Variants in WIPI2 observed in about 807,000 individuals in gnomAD.
WIPI2 encodes WD repeat domain, phosphoinositide interacting 2.
WIPI2 carries 28 observed loss-of-function variants against 52.3 expected under a neutral mutation model. That is an observed-to-expected ratio of 0.54 (90% confidence interval 0.40 to 0.73). WIPI2 has a LOEUF of 0.73. Among genes scored for constraint, WIPI2 ranks in the 30% least tolerant of loss-of-function variants. The probability of loss-of-function intolerance (pLI) is 0.00; values close to 1 mark genes in which losing one functional copy is unlikely to be tolerated. For missense variants in WIPI2, 506 were observed against 602.9 expected, an observed-to-expected ratio of 0.84 and a Z score of 1.68; for synonymous variants, 268 against 245.0, an observed-to-expected ratio of 1.09 and a Z score of -0.88.
chr7:5,193,652 T>TA (rs1315994876), intron 2 of WIPI2, among the ~76,000 whole-genome samples: 3 of 152,242 alleles, frequency 2.0e-5, no homozygotes, highest in Non-Finnish European at 2.9e-5. Flanking sequence ...CATAGCTTAC[T>TA]GCAACTTTGA....
chr7:5,191,111 C>T (rs1293123576), intron 1 of WIPI2, among the ~76,000 whole-genome samples: 1 of 152,116 alleles, frequency 6.6e-6, no homozygotes, highest in Non-Finnish European at 1.5e-5. Context: ...CCTCCGCCTC[C>T]TGGGTTCAAG....
At position 5,190,372 on chromosome 7, in the gene WIPI2, T is replaced by TCGCA; in HGVS notation, c.-45_-44insACGC. On this transcript the variant is annotated 5_prime_UTR_variant, in exon 1 of 13. Transcript: ENST00000288828. ...ACCCTGAGTGCAGCCTGACCCGCCC[T>TCGCA]CGCGCGCGCGCCCTCCCCGGCCGGG... is the stretch of plus-strand genomic sequence containing the variant. 7.9e-7 allele frequency: 1 copy of TCGCA among 1,272,676 alleles called. No homozygotes were observed. Among genetic ancestry groups the TCGCA allele is most frequent in the South Asian group, 2.3e-5 (1 of 43,728 alleles). 78.8% of individuals were successfully genotyped at this position (1,272,676 alleles called of 1,614,324 possible). A position where few individuals can be genotyped will look rare whatever the true frequency, so the allele number is the denominator to read the frequency against.
chr7:5,219,801 C>T (rs1783009208), intron 7 of WIPI2, among the ~76,000 whole-genome samples: 1 of 151,970 alleles, frequency 6.6e-6, no homozygotes, highest in African/African-American at 2.4e-5. Context: ...TTGTGTCCCT[C>T]CATCCAGAGA....
chr7:5,199,603 T>C lies in WIPI2; in HGVS notation c.156T>C (p.Gly52=), dbSNP rs1781925827. The change falls in exon 3 of 13, where the codon GGT becomes GGC. Residue 52 remains glycine (G), a synonymous_variant. Coordinates refer to ENST00000288828, the MANE Select transcript of WIPI2 (RefSeq NM_015610.4). ...CCCTAGCTGTTGGTAGTAAGTCCGG[T>C]TATAAATTTTTCTCCCTTTCTTCTG... The part of the protein sequence containing the change: ...VWSLAVGSKS[G]YKFFSLSSVD... The C allele has an allele frequency of 6.2e-7, 1 of 1,613,690 alleles. No homozygotes were observed. The highest frequency in any genetic ancestry group is 8.5e-7 in the Non-Finnish European group (1 of 1,179,940).
intron 3 of WIPI2, among the ~76,000 whole-genome samples, chr7:5,212,826 C>CT (rs1782623530): frequency 6.6e-6 from 1 of 152,252 alleles, no homozygotes; most frequent in Admixed American, 6.5e-5. Flanking sequence ...CCCCAGCCCT[C>CT]TTTCTCGCCC....
intron 2 of WIPI2, among the ~76,000 whole-genome samples, chr7:5,195,493 T>TAAATC (rs1439527117): frequency 3.9e-5 from 6 of 152,002 alleles, no homozygotes; most frequent in Admixed American, 3.9e-4. Context: ...CTCAAAAAAA[T>TAAATC]AAATAAAAAT....
At chr7:5,194,845 C>G (rs1781666105) in intron 2 of WIPI2, among the ~76,000 whole-genome samples, 1 of 151,982 alleles carries the variant, frequency 6.6e-6, no homozygotes, top group Non-Finnish European at 1.5e-5. Flanking sequence ...TGGAAGCTAG[C>G]GAGTGGTAAA....
chr7:5,214,190 T>C (rs922838331), intron 3 of WIPI2: 10 of 1,117,748 alleles, frequency 8.9e-6, no homozygotes, highest in African/African-American at 8.0e-5. Flanking sequence ...GTTTGTGTCT[T>C]AATTAAGGGA....
At chr7:5,195,556 A>G (rs1454951465) in intron 2 of WIPI2, among the ~76,000 whole-genome samples, 1 of 152,176 alleles carries the variant, frequency 6.6e-6, no homozygotes, top group Non-Finnish European at 1.5e-5. Flanking sequence ...ATTTTTTGGC[A>G]ATAAAGCTAT....
chr7:5,221,552 T>C (rs1447440500), intron 7 of WIPI2, among the ~76,000 whole-genome samples: 3 of 152,238 alleles, frequency 2.0e-5, no homozygotes, highest in Non-Finnish European at 4.4e-5. Context: ...GTTATATCAC[T>C]TGATAGTATT....
rs1459553031 is a variant in WIPI2, at chr7:5,228,214, G to A, written c.1121+3G>A. 6.2e-7 allele frequency: 1 copy of A among 1,610,944 alleles called. No homozygotes were observed. The highest frequency in any genetic ancestry group is 1.3e-5 in the African/African-American group (1 of 74,874). ...TGTGCCCTGATGAAGCAGCACCGGT[G>A]AGTCTGCTCCGGCCGCTTCACGGAG... On this transcript the variant is annotated splice_donor_region_variant and intron_variant, in intron 11 of 12. Coordinates refer to ENST00000288828, the MANE Select transcript of WIPI2 (RefSeq NM_015610.4).
At chr7:5,219,554 G>A (rs981772079) in intron 7 of WIPI2, among the ~76,000 whole-genome samples, 2 of 152,102 alleles carry the variant, frequency 1.3e-5, no homozygotes, top group African/African-American at 4.8e-5. Flanking sequence ...GCCCCGCTCT[G>A]TCCCAGGTGC....
At chr7:5,195,053 C>G (rs1781678941) in intron 2 of WIPI2, among the ~76,000 whole-genome samples, 1 of 152,134 alleles carries the variant, frequency 6.6e-6, no homozygotes, top group South Asian at 2.1e-4. Context: ...CAGGCCTACT[C>G]TCTGGGGAGG....
At chr7:5,199,476 G>A (rs1451204958) in intron 2 of WIPI2, 100 bp from the exon 3 acceptor site, 3 of 964,920 alleles carry the variant, frequency 3.1e-6, no homozygotes, top group East Asian at 2.4e-5. Context: ...AGGGCACGCG[G>A]GGAACTTGCT....
Position 5,229,748 on chromosome 7 carries a change from G to T in WIPI2, c.1252+10G>T. On this transcript the variant is annotated intron_variant, in intron 12 of 12. Coordinates refer to ENST00000288828, the MANE Select transcript of WIPI2 (RefSeq NM_015610.4). ...TCCCCAACGAGACTTGGTAAGGGGC[G>T]TGACGCAAACCTGGAAGGTAATTAG... The T allele has an allele frequency of 6.2e-7, 1 of 1,613,430 alleles. No individual in the cohort carries two copies. The highest frequency in any genetic ancestry group is 8.5e-7 in the Non-Finnish European group (1 of 1,179,616).
intron 7 of WIPI2, among the ~76,000 whole-genome samples, chr7:5,220,062 C>T (rs1783031324): frequency 6.6e-6 from 1 of 152,032 alleles, no homozygotes; most frequent in African/African-American, 2.4e-5. Flanking sequence ...TTTCAAACTC[C>T]TGAGCTCAAG....
chr7:5,200,339 G>A (rs8180839), intron 3 of WIPI2, among the ~76,000 whole-genome samples: 143,453 of 152,166 alleles, frequency 0.94, 67,691 homozygotes, highest in African/African-American at 0.97. Context: ...CCCTTTCCAC[G>A]TGCGTAATTT....
At chr7:5,216,814 G>A (rs1178691936) in intron 5 of WIPI2, 155 bp downstream of exon 5, 3 of 761,436 alleles carry the variant, frequency 3.9e-6, no homozygotes, top group South Asian at 1.8e-5. Flanking sequence ...TACTGATGCT[G>A]GTCATGTGAC....
At chr7:5,192,054 G>GT (rs1426834546) in intron 1 of WIPI2, among the ~76,000 whole-genome samples, 59 of 151,140 alleles carry the variant, frequency 3.9e-4, no homozygotes, top group East Asian at 2.5e-3. Context: ...CTGCCATGCT[G>GT]TTTTTTTTTC....
Sources: allele counts gnomAD v4.1 joint callset (sites outside exome capture counted in the v4.1 genomes callset), GRCh38; gene constraint gnomAD v4.1.1; transcripts MANE v1.5; gene names NCBI Gene and HGNC (gene_info 2026-07-23, HGNC 2026-07-21).